Variants in UGT1A4 observed in about 807,000 individuals in gnomAD.
The protein encoded by UGT1A4 is UDP-glucuronosyltransferase 1A4.
A neutral mutation model predicts 41.1 loss-of-function variants in UGT1A4; 32 were observed. The observed-to-expected ratio is 0.78, with a 90% CI of 0.59 to 1.05. The LOEUF (loss-of-function observed/expected upper bound fraction) is 1.05, where lower values mean the gene tolerates loss of function less well. Ranked by LOEUF, UGT1A4 falls within the 50% of genes least tolerant of loss-of-function variation. The pLI is 0.00. For missense variants in UGT1A4, 748 were observed against 677.4 expected (o/e 1.10, Z -1.16); for synonymous variants, 283 against 265.1 (o/e 1.07, Z -0.66).
chr2:233,756,808 C>T (rs1575745774), intron 1 of UGT1A4, among the ~76,000 whole-genome samples: 1 of 152,078 alleles, frequency 6.6e-6, no homozygotes, highest in Non-Finnish European at 1.5e-5. Context: ...TAGTAAAGGT[C>T]ACTCAATTCC....
At chr2:233,758,861 A>G (rs911579331) in intron 1 of UGT1A4, among the ~76,000 whole-genome samples, 2 of 152,228 alleles carry the variant, frequency 1.3e-5, no homozygotes, top group African/African-American at 4.8e-5. Context: ...TGGCTGCACA[A>G]TACTTGCCCC....
At chr2:233,744,122 C>T in intron 1 of UGT1A4, 1 of 368,854 alleles carries the variant, frequency 2.7e-6, no homozygotes, top group Non-Finnish European at 5.1e-6. Flanking sequence ...CTCTGTGAGG[C>T]TCTGTGAGGC....
intron 4 of UGT1A4, chr2:233,771,016 A>C (rs1281561140): frequency 2.0e-5 from 3 of 152,186 alleles, no homozygotes; most frequent in African/African-American, 7.2e-5. Flanking sequence ...AGCAGGAGCG[A>C]GAGAGAGTTG....
chr2:233,736,518 C>T (rs567664154), intron 1 of UGT1A4, among the ~76,000 whole-genome samples: 3 of 152,304 alleles, frequency 2.0e-5, no homozygotes, highest in Admixed American at 1.3e-4. Context: ...TCTGTCAACT[C>T]GTCAAAGTCA....
At chr2:233,754,204 A>G (rs1695418999) in intron 1 of UGT1A4, 1 of 163,390 alleles carries the variant, frequency 6.1e-6, no homozygotes, top group South Asian at 1.6e-4. Flanking sequence ...AAAACATTGA[A>G]GTCAAATGAT....
intron 1 of UGT1A4, chr2:233,729,346 T>G (rs1339922469): frequency 1.2e-6 from 2 of 1,614,150 alleles, no homozygotes; most frequent in South Asian, 1.1e-5. Flanking sequence ...AGAAGAGAAC[T>G]TTTTCACCCT....
At chr2:233,760,573 G>C (rs1208621089) in intron 1 of UGT1A4, 1 of 1,614,170 alleles carries the variant, frequency 6.2e-7, no homozygotes, top group Non-Finnish European at 8.5e-7. Flanking sequence ...TGTTAGTCTC[G>C]GGCATAATGT....
At chr2:233,747,780 C>T (rs1371324079) in intron 1 of UGT1A4, 2 of 1,613,384 alleles carry the variant, frequency 1.2e-6, no homozygotes, top group Non-Finnish European at 1.7e-6. Flanking sequence ...GTGTCCAAAT[C>T]CTTCCTCCTA....
intron 1 of UGT1A4, among the ~76,000 whole-genome samples, chr2:233,739,458 G>A (rs183243418): frequency 1.3e-5 from 2 of 152,366 alleles, no homozygotes; most frequent in Non-Finnish European, 2.9e-5. Context: ...CAGGGTTGGA[G>A]CTGCCTGAGA....
At chr2:233,737,721 C>CA (rs1559381748) in intron 1 of UGT1A4, among the ~76,000 whole-genome samples, 2 of 151,324 alleles carry the variant, frequency 1.3e-5, no homozygotes, top group Non-Finnish European at 3.0e-5. Flanking sequence ...CCAACACCTC[C>CA]TTTTTTTTTC....
At chr2:233,722,287 T>G (rs2125687052) in intron 1 of UGT1A4, among the ~76,000 whole-genome samples, 2 of 152,350 alleles carry the variant, frequency 1.3e-5, no homozygotes, top group Admixed American at 1.3e-4. Flanking sequence ...TGATTTCCTT[T>G]GTTATTTTGT....
chr2:233,762,716 G>A (rs1165030295), intron 1 of UGT1A4, among the ~76,000 whole-genome samples: 4 of 149,682 alleles, frequency 2.7e-5, no homozygotes, highest in African/African-American at 7.3e-5. Flanking sequence ...TATTTTACAC[G>A]GTTTTTTTTT....
chr2:233,770,451 C>T (rs565936223), intron 4 of UGT1A4: 5 of 152,088 alleles, frequency 3.3e-5, no homozygotes, highest in Admixed American at 1.3e-4. Flanking sequence ...GTTAGGAGTT[C>T]GAAACCAACC....
At chr2:233,766,928 C>A in intron 1 of UGT1A4, 106 bp from the exon 2 acceptor site, 12 of 1,578,030 alleles carry the variant, frequency 7.6e-6, no homozygotes, top group Non-Finnish European at 9.4e-6. Context: ...ACACGCATGC[C>A]TTTAATCATA....
At chr2:233,733,541 C>T (rs1172335855) in intron 1 of UGT1A4, among the ~76,000 whole-genome samples, 2 of 152,150 alleles carry the variant, frequency 1.3e-5, no homozygotes, top group Non-Finnish European at 2.9e-5. Context: ...TTGTTGAAGG[C>T]CTTTTCTGCA....
chr2:233,751,941 T>C (rs1479720548), intron 1 of UGT1A4, among the ~76,000 whole-genome samples: 1 of 152,170 alleles, frequency 6.6e-6, no homozygotes, highest in South Asian at 2.1e-4. Context: ...GAAGTTATAC[T>C]GAAAGGGTTT....
intron 1 of UGT1A4, among the ~76,000 whole-genome samples, chr2:233,766,604 C>T (rs1699199811): frequency 6.6e-6 from 1 of 152,174 alleles, no homozygotes; most frequent in Non-Finnish European, 1.5e-5. Flanking sequence ...AGGGACCACA[C>T]CCTCTTCTAC....
At chr2:233,755,452 C>A in intron 1 of UGT1A4, 1 of 306,372 alleles carries the variant, frequency 3.3e-6, no homozygotes, top group South Asian at 3.0e-5. Flanking sequence ...GCTCCTGGGA[C>A]TGGCCCTGCT....
intron 1 of UGT1A4, among the ~76,000 whole-genome samples, chr2:233,737,707 C>T (rs1200487929): frequency 6.6e-6 from 1 of 152,126 alleles, no homozygotes; most frequent in Non-Finnish European, 1.5e-5. Flanking sequence ...TTCCGTTCTC[C>T]TCTCCAACAC....
Sources: allele counts gnomAD v4.1 joint callset (sites outside exome capture counted in the v4.1 genomes callset), GRCh38; gene constraint gnomAD v4.1.1; transcripts MANE v1.5; gene names NCBI Gene and HGNC (gene_info 2026-07-23, HGNC 2026-07-21).